Variants in NF1 observed in about 807,000 individuals in gnomAD.
NF1 encodes the protein neurofibromin.
A neutral mutation model predicts 325.7 loss-of-function variants in NF1; 122 were observed. The observed-to-expected ratio is 0.37, with a 90% CI of 0.32 to 0.44. The LOEUF (loss-of-function observed/expected upper bound fraction) is 0.44. Among genes scored for constraint, NF1 ranks in the 20% least tolerant of loss-of-function variants. NF1 has a pLI of 1.00. For synonymous variants in NF1, 1,091 were observed against 1,186.0 expected (o/e 0.92, Z 1.65); for missense variants, 2,140 against 3,415.4 (o/e 0.63, Z 9.31).
intron 57 of NF1, among the ~76,000 whole-genome samples, chr17:31,365,327 A>T (rs1309656207): frequency 1.3e-5 from 2 of 151,466 alleles, no homozygotes; most frequent in Non-Finnish European, 2.9e-5. Context: ...AATTAATAGG[A>T]TCCATTTCCA....
At chr17:31,275,451 G>A (rs990197770) in intron 36 of NF1, among the ~76,000 whole-genome samples, 4 of 152,158 alleles carry the variant, frequency 2.6e-5, no homozygotes, top group Non-Finnish European at 4.4e-5. Context: ...CCATGTGCAT[G>A]TGCTTTTATT....
At chr17:31,181,401 T>A in intron 5 of NF1, 21 bp from the exon 6 acceptor site, 1 of 1,609,266 alleles carries the variant, frequency 6.2e-7, no homozygotes, top group Non-Finnish European at 8.5e-7. Context: ...AGTTAATTTT[T>A]AAAAATTGTG....
intron 46 of NF1, 178 bp from the exon 47 acceptor site, chr17:31,340,327 A>G (rs1597847628): frequency 1.4e-6 from 1 of 698,936 alleles, no homozygotes; most frequent in Non-Finnish European, 2.4e-6. Context: ...TCCAGCTAAC[A>G]GTGTCTTTAG....
At chr17:31,098,430 C>T (rs1304803939) in intron 1 of NF1, among the ~76,000 whole-genome samples, 1 of 151,828 alleles carries the variant, frequency 6.6e-6, no homozygotes, top group African/African-American at 2.4e-5. Flanking sequence ...AATGATGCGA[C>T]CTTGGCTTAC....
chr17:31,364,999 A>G (rs1282822784), intron 57 of NF1, among the ~76,000 whole-genome samples: 1 of 152,158 alleles, frequency 6.6e-6, no homozygotes, highest in African/African-American at 2.4e-5. Flanking sequence ...CAGAATTAGA[A>G]CTAGAAAATG....
intron 40 of NF1, among the ~76,000 whole-genome samples, chr17:31,335,597 G>C (rs889602916): frequency 6.6e-6 from 1 of 151,776 alleles, no homozygotes; most frequent in Admixed American, 6.6e-5. Context: ...AAACACTGCT[G>C]CTCCTCCTCC....
chr17:31,134,708 G>A (rs192484301), intron 1 of NF1, among the ~76,000 whole-genome samples: 1 of 152,286 alleles, frequency 6.6e-6, no homozygotes, highest in African/African-American at 2.4e-5. Context: ...TTTGGCAGGA[G>A]GCCTCAGTTC....
intron 35 of NF1, 50 bp downstream of exon 35, chr17:31,261,907 G>A (rs1292376893): frequency 6.3e-7 from 1 of 1,598,696 alleles, no homozygotes; most frequent in East Asian, 2.2e-5. Context: ...GGTTGAGAAG[G>A]AGAGTTTGCC....
At chr17:31,208,276 G>A (rs943666404) in intron 12 of NF1, among the ~76,000 whole-genome samples, 3 of 152,110 alleles carry the variant, frequency 2.0e-5, no homozygotes, top group African/African-American at 7.2e-5. Flanking sequence ...AATGTTATAT[G>A]TATGTATATT....
chr17:31,329,676 G>A (rs1424431483), intron 38 of NF1, among the ~76,000 whole-genome samples: 1 of 152,102 alleles, frequency 6.6e-6, no homozygotes, highest in East Asian at 1.9e-4. Flanking sequence ...TTCCATATTG[G>A]TGGTTATATA....
intron 8 of NF1, chr17:31,183,248 G>C (rs919406311): frequency 5.6e-6 from 1 of 177,142 alleles, no homozygotes; most frequent in African/African-American, 2.3e-5. Flanking sequence ...ATTAATCCTA[G>C]GGTTTTACTG....
At chr17:31,355,331 A>G (rs2070245236) in intron 51 of NF1, among the ~76,000 whole-genome samples, 2 of 152,230 alleles carry the variant, frequency 1.3e-5, no homozygotes, top group Non-Finnish European at 2.9e-5. Flanking sequence ...ATCCCTAGCC[A>G]TGCTACCTCA....
chr17:31,154,308 T>C (rs1261045020), intron 1 of NF1, among the ~76,000 whole-genome samples: 1 of 152,092 alleles, frequency 6.6e-6, no homozygotes, highest in Non-Finnish European at 1.5e-5. Context: ...CCACCTGCCT[T>C]GGTCTCCCAA....
At position 31,181,478 on chromosome 17, in the gene NF1, A is replaced by G. The variant is rs1331838002; in HGVS notation, c.643A>G (p.Ser215Gly). The G allele has an allele frequency of 6.2e-7, 1 of 1,613,562 alleles. No homozygotes were observed. Among genetic ancestry groups the G allele is most frequent in the Non-Finnish European group, 8.5e-7 (1 of 1,179,624 alleles). The part of the protein sequence containing the change: ...KKVAQLAVIN[S>G]LEKAFWNWVE... ...GGTTGCGCAGTTAGCAGTTATAAAT[A>G]GCCTGGAAAAGGTAAGTTACAACCT... Residue 215 changes from serine to glycine, a missense_variant, in exon 6 of 58, where the codon AGC becomes GGC. By Grantham distance (56) the Ser-to-Gly change is moderately conservative. This residue lies in a region of NF1 where 246 missense variants were observed against 347.8 expected (regional missense o/e 0.71). Coordinates refer to ENST00000358273, the MANE Select transcript of NF1 (RefSeq NM_001042492.3).
intron 36 of NF1, chr17:31,321,949 T>C (rs905848050): frequency 1.3e-5 from 2 of 152,232 alleles, no homozygotes. Context: ...ATCTACAGAC[T>C]GATTTGAAAA....
intron 1 of NF1, among the ~76,000 whole-genome samples, chr17:31,110,907 AAAAC>A (rs1178877114): frequency 5.9e-5 from 9 of 152,068 alleles, no homozygotes; most frequent in Non-Finnish European, 1.2e-4. Context: ...AACAAAAACA[AAAAC>A]AAAAAAAACC....
At chr17:31,296,502 C>G (rs1215032359) in intron 36 of NF1, 4 of 678,460 alleles carry the variant, frequency 5.9e-6, no homozygotes, top group Non-Finnish European at 1.1e-5. Context: ...CATTTATAGT[C>G]CAAATGCTTA....
chr17:31,306,486 C>T (rs2068724500), intron 36 of NF1, among the ~76,000 whole-genome samples: 1 of 152,118 alleles, frequency 6.6e-6, no homozygotes, highest in African/African-American at 2.4e-5. Flanking sequence ...TTTACCCTCA[C>T]AACTGACAAC....
chr17:31,266,209 G>T (rs1260071758), intron 36 of NF1, among the ~76,000 whole-genome samples: 1 of 152,092 alleles, frequency 6.6e-6, no homozygotes, highest in Non-Finnish European at 1.5e-5. Flanking sequence ...TGACCATTAA[G>T]TTAGTAGACT....
Sources: gnomAD v4.1 joint callset for allele counts (sites outside exome capture counted in the v4.1 genomes callset) on GRCh38, gnomAD v4.1.1 for gene constraint, gnomAD v4.1.1 regional missense constraint, MANE v1.5 for transcripts, NCBI Gene and HGNC (gene_info 2026-07-23, HGNC 2026-07-21) for gene names.